The following DCLK3 variants were observed in gnomAD, a reference collection of about 807,000 sequenced individuals.
The protein encoded by DCLK3 is serine/threonine-protein kinase DCLK3.
DCLK3 carries 30 observed loss-of-function variants against 46.4 expected under a neutral mutation model. That is an observed-to-expected ratio of 0.65 (90% CI 0.48 to 0.88). The LOEUF (loss-of-function observed/expected upper bound fraction) is 0.88. Ranked by LOEUF, DCLK3 falls within the 40% of genes least tolerant of loss-of-function variation. The pLI is 0.00. For synonymous variants in DCLK3, 401 were observed against 339.2 expected, an observed-to-expected ratio of 1.18 and a Z score of -2.00; for missense variants, 846 against 907.1, an observed-to-expected ratio of 0.93 and a Z score of 0.87.
rs368951589 is a variant in DCLK3, at chr3:36,760,477, G to A, written c.82+3705C>T. On this transcript the variant is annotated intron_variant, in intron 1 of 4. Coordinates refer to ENST00000636136, the MANE Select transcript of DCLK3 (RefSeq NM_001394672.2). ...AACATCACACACCGGGACCTGTTGTGGGGTTGGGGGAGGGGGGAGGGATAG... is the reference window on the plus strand; with the variant it reads ...AACATCACACACCGGGACCTGTTGTAGGGTTGGGGGAGGGGGGAGGGATAG... 1.0e-3 allele frequency among the ~76,000 whole-genome samples: 153 copies of A among 151,014 alleles called. 1 individual carries two copies. In the South Asian group the frequency reaches 0.031, roughly 31 times the overall value.
Position 36,753,343 on chromosome 3 carries a change from A to G in DCLK3, c.82+10839T>C, listed in dbSNP as rs555160808. Among the ~76,000 whole-genome samples, 43 of 152,316 alleles carry G rather than the reference A, an allele frequency of 2.8e-4. No homozygotes were observed. In the South Asian group the frequency reaches 6.6e-3, roughly 24 times the overall value. ...TCTTTGATTGTTAACATGCTCACTT[A>G]AGACTAAAAGCCCACACATCGCGTT... On this transcript the variant is annotated intron_variant, in intron 1 of 4. Coordinates refer to ENST00000636136, the MANE Select transcript of DCLK3 (RefSeq NM_001394672.2).
chr3:36,748,091 A>G (rs1701408533), intron 1 of DCLK3, among the ~76,000 whole-genome samples: 1 of 152,134 alleles, frequency 6.6e-6, no homozygotes, highest in Non-Finnish European at 1.5e-5. Context: ...ACTAAACCCA[A>G]ACTGAGACCC....
chr3:36,718,507 G>A (rs1363292587), intron 3 of DCLK3, among the ~76,000 whole-genome samples: 1 of 152,236 alleles, frequency 6.6e-6, no homozygotes, highest in Non-Finnish European at 1.5e-5. Context: ...TCAGTTGCAT[G>A]ATTGAAGGGC....
At chr3:36,744,769 T>C (rs1177200413) in intron 1 of DCLK3, among the ~76,000 whole-genome samples, 1 of 152,198 alleles carries the variant, frequency 6.6e-6, no homozygotes, top group African/African-American at 2.4e-5. Flanking sequence ...GATGCATTTG[T>C]CATTCACACA....
intron 1 of DCLK3, among the ~76,000 whole-genome samples, chr3:36,757,527 T>G (rs1701496948): frequency 6.6e-6 from 1 of 152,056 alleles, no homozygotes; most frequent in Non-Finnish European, 1.5e-5. Flanking sequence ...ATTGCCAGAA[T>G]CTGCTCCTAC....
chr3:36,727,097 A>G (rs1701132893), intron 2 of DCLK3, among the ~76,000 whole-genome samples: 1 of 152,272 alleles, frequency 6.6e-6, no homozygotes, highest in African/African-American at 2.4e-5. Flanking sequence ...AGCCCGGCCA[A>G]CATGGTGAAA....
At chr3:36,758,232 C>G (rs1701505566) in intron 1 of DCLK3, among the ~76,000 whole-genome samples, 1 of 152,114 alleles carries the variant, frequency 6.6e-6, no homozygotes, top group East Asian at 1.9e-4. Flanking sequence ...TCATGATCAC[C>G]TTTTTTTAAG....
At chr3:36,731,193 T>C (rs981940160) in intron 2 of DCLK3, among the ~76,000 whole-genome samples, 3 of 152,158 alleles carry the variant, frequency 2.0e-5, no homozygotes, top group African/African-American at 2.4e-5. Flanking sequence ...AGGTGTTTCC[T>C]GAACTTGATA....
chr3:36,715,977 C>G (rs577118513), intron 4 of DCLK3, among the ~76,000 whole-genome samples: 4 of 152,104 alleles, frequency 2.6e-5, no homozygotes, highest in African/African-American at 4.8e-5. Flanking sequence ...GGTTTCAAAT[C>G]GAAACTAACA....
chr3:36,715,383 C>T lies in DCLK3; in HGVS notation c.2399G>A (p.Ser800Asn), dbSNP rs1700963147. The change falls in exon 5 of 5, where the codon AGC becomes AAC. Residue 800 changes from serine to asparagine, a missense_variant. Physicochemically the swap from Ser to Asn is conservative, Grantham distance 46 (BLOSUM62 1). Coordinates refer to ENST00000636136, the MANE Select transcript of DCLK3 (RefSeq NM_001394672.2). ...CTGGCTCCGGAAGTGACCCTCGCTG[C>T]TGGGGGACACCTGCTTCTGTCGTTT... ...TVKRQKQVSPSSEGHFRSQHK... is the reference protein window; with the variant it reads ...TVKRQKQVSPNSEGHFRSQHK... 2.5e-6 allele frequency: 4 copies of T among 1,614,182 alleles called. No homozygotes were observed. Among genetic ancestry groups the T allele is most frequent in the Non-Finnish European group, 3.4e-6 (4 of 1,180,004 alleles).
At position 36,738,094 on chromosome 3, in the gene DCLK3, G is replaced by T. The variant is rs75314929; in HGVS notation, c.1073C>A (p.Ala358Glu). 1.9e-3 allele frequency: 2,996 copies of T among 1,613,628 alleles called. 55 individuals are homozygous for T. In the African/African-American group the frequency reaches 0.035, roughly 19 times the overall value. Residue 358 changes from alanine to glutamate, a missense_variant, in exon 2 of 5, where the codon GCA becomes GAA. Transcript: ENST00000636136. Reference protein sequence around the residue: ...RTRSCRRSPEANPASGEEGWK... With the variant: ...RTRSCRRSPEENPASGEEGWK... ...CCCTTCCTCCCCACTTGCAGGATTT[G>T]CCTCGGGAGACCTCCTGCAGCTTCT...
chr3:36,745,430 C>T (rs894798557), intron 1 of DCLK3, among the ~76,000 whole-genome samples: 8 of 152,156 alleles, frequency 5.3e-5, no homozygotes, highest in Non-Finnish European at 1.0e-4. Flanking sequence ...TAAACATTTA[C>T]AAATTATGTG....
At chr3:36,740,659 T>C (rs1228481005) in intron 1 of DCLK3, among the ~76,000 whole-genome samples, 1 of 152,194 alleles carries the variant, frequency 6.6e-6, no homozygotes, top group Non-Finnish European at 1.5e-5. Flanking sequence ...TGGTTTAATT[T>C]CCTCAATTTC....
chr3:36,748,007 G>T (rs1442426291), intron 1 of DCLK3, among the ~76,000 whole-genome samples: 1 of 152,184 alleles, frequency 6.6e-6, no homozygotes, highest in African/African-American at 2.4e-5. Context: ...CTCAGTGGGG[G>T]TGAGGGGATC....
chr3:36,715,564 G>T, intron 4 of DCLK3, 43 bp from the exon 5 acceptor site: 3 of 1,502,630 alleles, frequency 2.0e-6, no homozygotes, highest in Non-Finnish European at 2.7e-6. Context: ...AATGCAGGTG[G>T]TTCTGAATTT....
chr3:36,733,637 G>A (rs1215070539), intron 2 of DCLK3, among the ~76,000 whole-genome samples: 2 of 152,110 alleles, frequency 1.3e-5, no homozygotes, highest in Non-Finnish European at 2.9e-5. Flanking sequence ...GCACACACTG[G>A]CAGAAGCAGC....
At chr3:36,759,047 A>G (rs1257975659) in intron 1 of DCLK3, among the ~76,000 whole-genome samples, 1 of 152,228 alleles carries the variant, frequency 6.6e-6, no homozygotes, top group Non-Finnish European at 1.5e-5. Context: ...CTCTAAGTAT[A>G]AAGAGTTTAG....
At position 36,715,336 on chromosome 3, in the gene DCLK3, C is replaced by T. The variant is rs368451641; in HGVS notation, c.2446G>A (p.Val816Ile). Residue 816 changes from valine (V) to isoleucine (I), a missense_variant, in exon 5 of 5, where the codon GTA (valine) becomes ATA (isoleucine). Physicochemically the swap from Val to Ile is conservative, Grantham distance 29 (BLOSUM62 3). Around this residue, in one of 3 missense-constraint regions of DCLK3, gnomAD observed 46 missense variants for 41.3 expected, o/e 1.11. Coordinates refer to ENST00000636136, the MANE Select transcript of DCLK3 (RefSeq NM_001394672.2). ...GATTCCCAAGGTGGTGACTATGATACCTGCTCCACAACCCTCTTGTGCTGG... is the reference window on the plus strand; with the variant it reads ...GATTCCCAAGGTGGTGACTATGATATCTGCTCCACAACCCTCTTGTGCTGG... Reference protein sequence around the residue: ...RSQHKRVVEQVS With the variant: ...RSQHKRVVEQIS 6 of 1,614,000 alleles carry T rather than the reference C, an allele frequency of 3.7e-6. No homozygotes were observed. Among genetic ancestry groups the T allele is most frequent in the Non-Finnish European group, 5.1e-6 (6 of 1,180,020 alleles).
At chr3:36,754,114 T>C (rs1701467074) in intron 1 of DCLK3, among the ~76,000 whole-genome samples, 1 of 152,224 alleles carries the variant, frequency 6.6e-6, no homozygotes, top group Non-Finnish European at 1.5e-5. Context: ...GTCAGTTCTT[T>C]GGATTCTAAG....
Sources: allele counts gnomAD v4.1 joint callset (sites outside exome capture counted in the v4.1 genomes callset), GRCh38; gene constraint gnomAD v4.1.1; regional missense constraint gnomAD v4.1.1; transcripts MANE v1.5; gene names NCBI Gene and HGNC (gene_info 2026-07-23, HGNC 2026-07-21).